DOK6: variants seen among roughly 807,000 people sequenced by gnomAD.
DOK6 encodes the protein docking protein 6, also known as downstream of tyrosine kinase 6.
In DOK6, 22 loss-of-function variants were observed where a neutral mutation model predicts 44.0. That is an observed-to-expected ratio of 0.50 (90% CI 0.36 to 0.71). The LOEUF (loss-of-function observed/expected upper bound fraction) is 0.71. DOK6 is among the 30% of genes least tolerant of loss of function. The pLI is 0.00. For synonymous variants in DOK6, 166 were observed against 145.5 expected (o/e 1.14, Z -1.01); for missense variants, 340 against 416.4 (o/e 0.82, Z 1.60).
intron 7 of DOK6, among the ~76,000 whole-genome samples, chr18:69,811,115 T>C (rs539412473): frequency 2.0e-5 from 3 of 151,756 alleles, no homozygotes; most frequent in Non-Finnish European, 4.4e-5. Flanking sequence ...ACAAGTAGAG[T>C]AGTATTCAGG....
At chr18:69,772,441 C>T (rs1979915933) in intron 7 of DOK6, among the ~76,000 whole-genome samples, 1 of 152,070 alleles carries the variant, frequency 6.6e-6, no homozygotes, top group Non-Finnish European at 1.5e-5. Flanking sequence ...AAGGATCACA[C>T]TCACTGATTT....
chr18:69,412,210 C>T (rs1461496968), intron 1 of DOK6, among the ~76,000 whole-genome samples: 2 of 152,056 alleles, frequency 1.3e-5, no homozygotes, highest in Non-Finnish European at 2.9e-5. Flanking sequence ...TGGTTAATGG[C>T]TTTTTGTGGA....
At chr18:69,751,681 A>G (rs990036663) in intron 6 of DOK6, among the ~76,000 whole-genome samples, 13 of 152,268 alleles carry the variant, frequency 8.5e-5, no homozygotes, top group African/African-American at 3.1e-4. Flanking sequence ...CATGTTCTCT[A>G]CTACAAAACA....
Position 69,428,880 on chromosome 18 carries a change from A to G in DOK6, c.66+27570A>G, listed in dbSNP as rs148169408. On this transcript the variant is annotated intron_variant, in intron 1 of 7. Transcript: ENST00000382713. The stretch of plus-strand genomic sequence containing the variant: ...ATAATCATCAGAATCATTGTCTTTA[A>G]TTGTGGAATCATCATTCATGTTTAT... 1.2e-3 allele frequency among the ~76,000 whole-genome samples: 188 copies of G among 152,360 alleles called. 2 individuals carry two copies. In the East Asian group the frequency reaches 0.028, roughly 22 times the overall value.
intron 2 of DOK6, among the ~76,000 whole-genome samples, chr18:69,576,710 AG>A (rs779056219): frequency 1.6e-4 from 24 of 152,158 alleles, no homozygotes; most frequent in Non-Finnish European, 3.4e-4. Context: ...CTAGCTGCTG[AG>A]GGAAGTTATT....
chr18:69,633,894 C>A (rs1195096896), intron 3 of DOK6, among the ~76,000 whole-genome samples: 1 of 152,078 alleles, frequency 6.6e-6, no homozygotes, highest in African/African-American at 2.4e-5. Context: ...TTTGAAGTGA[C>A]CTTTCCCTGG....
At chr18:69,786,602 G>A (rs1481183240) in intron 7 of DOK6, among the ~76,000 whole-genome samples, 1 of 152,120 alleles carries the variant, frequency 6.6e-6, no homozygotes, top group Non-Finnish European at 1.5e-5. Context: ...CCTACTAGTA[G>A]CAAGTGTTCA....
intron 3 of DOK6, among the ~76,000 whole-genome samples, chr18:69,667,354 T>C (rs1985685875): frequency 6.6e-6 from 1 of 152,228 alleles, no homozygotes; most frequent in Admixed American, 6.5e-5. Flanking sequence ...ATTATTTAAC[T>C]GTCTGCACTG....
chr18:69,511,822 A>G (rs753244221), intron 1 of DOK6, among the ~76,000 whole-genome samples: 55 of 152,234 alleles, frequency 3.6e-4, no homozygotes, highest in Non-Finnish European at 6.5e-4. Context: ...AATCTCTTCT[A>G]GAATCTGGCT....
rs73455097 is a variant in DOK6, at chr18:69,761,409, G to A, written c.856+3536G>A. On this transcript the variant is annotated intron_variant, in intron 7 of 7. Coordinates refer to ENST00000382713, the MANE Select transcript of DOK6 (RefSeq NM_152721.6). ...GATTGTTGCCCAACACTGCTGGTGTGTGTTGGGAGTGGGGCTTCTCTCTCT... is the reference window on the plus strand; with the variant it reads ...GATTGTTGCCCAACACTGCTGGTGTATGTTGGGAGTGGGGCTTCTCTCTCT... Among the ~76,000 whole-genome samples, 610 of 152,278 alleles carry A rather than the reference G, an allele frequency of 4.0e-3. 2 individuals carry two copies. Among genetic ancestry groups the A allele is most frequent in the African/African-American group, 0.013 (556 of 41,570 alleles).
At chr18:69,658,085 G>A (rs1057196624) in intron 3 of DOK6, among the ~76,000 whole-genome samples, 1 of 152,130 alleles carries the variant, frequency 6.6e-6, no homozygotes, top group Non-Finnish European at 1.5e-5. Flanking sequence ...CTGAGGAGCT[G>A]GGACTAGAGG....
At chr18:69,472,934 A>G (rs1430688585) in intron 1 of DOK6, among the ~76,000 whole-genome samples, 1 of 152,218 alleles carries the variant, frequency 6.6e-6, no homozygotes, top group Non-Finnish European at 1.5e-5. Context: ...CCATGTTGAA[A>G]AATCTCATAC....
At chr18:69,624,933 G>T (rs1183393491) in intron 3 of DOK6, among the ~76,000 whole-genome samples, 1 of 151,944 alleles carries the variant, frequency 6.6e-6, no homozygotes, top group Non-Finnish European at 1.5e-5. Context: ...TTATTTTAAA[G>T]TTCCTGTACA....
intron 2 of DOK6, among the ~76,000 whole-genome samples, chr18:69,589,801 G>T (rs929999988): frequency 6.6e-6 from 1 of 151,988 alleles, no homozygotes; most frequent in African/African-American, 2.4e-5. Flanking sequence ...AAATTTTACC[G>T]AGCATGCAAA....
chr18:69,444,048 G>A (rs1472209486), intron 1 of DOK6, among the ~76,000 whole-genome samples: 7 of 151,768 alleles, frequency 4.6e-5, no homozygotes, highest in South Asian at 4.2e-4. Context: ...ATATGTATAC[G>A]CATGTACATT....
chr18:69,813,581 T>C (rs1292879468), intron 7 of DOK6, among the ~76,000 whole-genome samples: 1 of 152,094 alleles, frequency 6.6e-6, no homozygotes, highest in East Asian at 1.9e-4. Flanking sequence ...TAGGTGGAAA[T>C]TAAAGAATTT....
intron 3 of DOK6, among the ~76,000 whole-genome samples, chr18:69,626,654 A>G (rs1984563634): frequency 6.6e-6 from 1 of 152,240 alleles, no homozygotes; most frequent in Non-Finnish European, 1.5e-5. Context: ...GGTCTTAACC[A>G]AAGGAAAAAT....
At chr18:69,424,282 T>C (rs1050539668) in intron 1 of DOK6, among the ~76,000 whole-genome samples, 3 of 152,198 alleles carry the variant, frequency 2.0e-5, no homozygotes, top group African/African-American at 7.2e-5. Flanking sequence ...AACCTTTTGC[T>C]CTACCTTCTC....
chr18:69,677,397 G>A lies in DOK6; in HGVS notation c.290-337G>A, dbSNP rs549586206. ...ATATATATATATATGTATATAAAAT[G>A]TAAAGCATGATGGCTAATTTATTAT... On this transcript the variant is annotated intron_variant, in intron 3 of 7. Coordinates refer to ENST00000382713, the MANE Select transcript of DOK6 (RefSeq NM_152721.6). 1.1e-4 allele frequency among the ~76,000 whole-genome samples: 17 copies of A among 150,316 alleles called. No individual in the cohort carries two copies. In the South Asian group the frequency reaches 3.6e-3, roughly 32 times the overall value.
Sources: allele counts gnomAD v4.1 joint callset (sites outside exome capture counted in the v4.1 genomes callset), GRCh38; gene constraint gnomAD v4.1.1; transcripts MANE v1.5; gene names NCBI Gene and HGNC (gene_info 2026-07-23, HGNC 2026-07-21).